SIMC1: variants seen among roughly 807,000 people sequenced by gnomAD.
SIMC1 encodes the protein SUMO-interacting motif-containing protein 1.
Under a neutral mutation model 82.3 loss-of-function variants are expected in SIMC1, and 55 were observed. The observed-to-expected ratio is 0.67, with a 90% confidence interval of 0.54 to 0.84. The LOEUF (loss-of-function observed/expected upper bound fraction) is 0.84. Among genes scored for constraint, SIMC1 ranks in the 40% least tolerant of loss-of-function variants. The pLI is 0.00. For missense variants in SIMC1, 915 were observed against 1,107.2 expected (o/e 0.83, Z 2.46); for synonymous variants, 353 against 426.3 (o/e 0.83, Z 2.12).
chr5:176,289,703 G>C lies in SIMC1; in HGVS notation c.179G>C (p.Ser60Thr). ...ACCAGACCAAGGACAAAAGATCGCA[G>C]TGGACTGTATGTGATTGACCTGACA... Reference protein sequence around the residue: ...RETRPRTKDRSGLYVIDLTRA... With the variant: ...RETRPRTKDRTGLYVIDLTRA... The change falls in exon 2 of 10, where the codon AGT becomes ACT. Residue 60 changes from serine to threonine, a missense_variant. Ser to Thr is a moderately conservative substitution (Grantham distance 58). Around this residue, in one of 2 missense-constraint regions of SIMC1, gnomAD observed 902 missense variants for 1,040.3 expected, o/e 0.87. Transcript: ENST00000429602. 6.2e-7 allele frequency: 1 copy of C among 1,612,994 alleles called. No homozygotes were observed. The highest frequency in any genetic ancestry group is 8.5e-7 in the Non-Finnish European group (1 of 1,179,518).
intron 4 of SIMC1, chr5:176,308,491 A>AGAT (rs1382202235): frequency 2.4e-5 from 38 of 1,607,774 alleles, no homozygotes; most frequent in Middle Eastern, 3.6e-4. Flanking sequence ...GCCATGTACC[A>AGAT]GATGATGGAT....
chr5:176,335,096 CAAA>C (rs879418049), intron 7 of SIMC1, among the ~76,000 whole-genome samples: 2 of 142,164 alleles, frequency 1.4e-5, no homozygotes, highest in Non-Finnish European at 3.1e-5. Flanking sequence ...AACTCTGTCT[CAAA>C]AAAAAAAAAA....
At chr5:176,280,378 T>C (rs1313256765) in intron 1 of SIMC1, among the ~76,000 whole-genome samples, 1 of 151,556 alleles carries the variant, frequency 6.6e-6, no homozygotes, top group African/African-American at 2.4e-5. Flanking sequence ...TCTCTGCATG[T>C]GTCTTTATCC....
At chr5:176,343,025 C>G (rs1471390255) in intron 9 of SIMC1, among the ~76,000 whole-genome samples, 2 of 152,170 alleles carry the variant, frequency 1.3e-5, no homozygotes, top group Non-Finnish European at 2.9e-5. Context: ...CTCAAGGCAG[C>G]TTTGTTTCCT....
chr5:176,334,623 C>CT (rs1342504097), intron 7 of SIMC1, among the ~76,000 whole-genome samples: 2 of 152,212 alleles, frequency 1.3e-5, no homozygotes, highest in Admixed American at 1.3e-4. Context: ...ACCCTATTCT[C>CT]TGACACAAAT....
chr5:176,301,580 C>G (rs1313009282), intron 4 of SIMC1, among the ~76,000 whole-genome samples: 1 of 152,100 alleles, frequency 6.6e-6, no homozygotes, highest in Non-Finnish European at 1.5e-5. Context: ...GAGTTCAAGA[C>G]CAGCATGACC....
chr5:176,276,418 A>G (rs1393539904), intron 1 of SIMC1, among the ~76,000 whole-genome samples: 2 of 150,838 alleles, frequency 1.3e-5, no homozygotes, highest in Non-Finnish European at 3.0e-5. Context: ...CCTTTCAAAA[A>G]ACCAGATCCT....
At chr5:176,250,242 C>G (rs1436593979) in intron 1 of SIMC1, among the ~76,000 whole-genome samples, 1 of 152,132 alleles carries the variant, frequency 6.6e-6, no homozygotes, top group East Asian at 1.9e-4. Context: ...TATTCAGGAG[C>G]AGGTTGTTCA....
intron 9 of SIMC1, among the ~76,000 whole-genome samples, chr5:176,339,115 G>A (rs1426109076): frequency 6.6e-6 from 1 of 152,186 alleles, no homozygotes; most frequent in Non-Finnish European, 1.5e-5. Context: ...TGTAATCCCA[G>A]CACTTTGGGA....
chr5:176,274,000 A>C (rs904811923), intron 1 of SIMC1, among the ~76,000 whole-genome samples: 1 of 150,838 alleles, frequency 6.6e-6, no homozygotes, highest in African/African-American at 2.4e-5. Flanking sequence ...CATGATTTAT[A>C]GTCCTTTGGG....
intron 9 of SIMC1, among the ~76,000 whole-genome samples, chr5:176,343,001 C>A (rs1766218707): frequency 6.6e-6 from 1 of 152,260 alleles, no homozygotes; most frequent in African/African-American, 2.4e-5. Flanking sequence ...GTTGAAAGGG[C>A]CTTGCACTTC....
At chr5:176,256,503 C>T (rs1230220595) in intron 1 of SIMC1, among the ~76,000 whole-genome samples, 1 of 152,094 alleles carries the variant, frequency 6.6e-6, no homozygotes, top group Non-Finnish European at 1.5e-5. Context: ...AATAGTTAGT[C>T]ATTTTACTTA....
intron 1 of SIMC1, among the ~76,000 whole-genome samples, chr5:176,241,855 C>T (rs971776099): frequency 6.6e-6 from 1 of 151,708 alleles, no homozygotes; most frequent in African/African-American, 2.4e-5. Context: ...CAAGATAAAT[C>T]ATCTGTCTGA....
At chr5:176,298,658 T>C (rs535311657) in intron 4 of SIMC1, among the ~76,000 whole-genome samples, 26 of 152,286 alleles carry the variant, frequency 1.7e-4, no homozygotes, top group African/African-American at 6.3e-4. Context: ...ATACAGTATA[T>C]AAAGATCTAA....
intron 7 of SIMC1, among the ~76,000 whole-genome samples, chr5:176,333,766 A>T (rs1024570091): frequency 9.3e-5 from 14 of 151,244 alleles, no homozygotes; most frequent in Non-Finnish European, 1.8e-4. Flanking sequence ...TTTTGCCCCA[A>T]CCTCTCTTAT....
At chr5:176,334,561 G>A (rs554583864) in intron 7 of SIMC1, among the ~76,000 whole-genome samples, 41 of 152,106 alleles carry the variant, frequency 2.7e-4, no homozygotes, top group African/African-American at 9.2e-4. Context: ...CAGGCTTTTG[G>A]GGCTTCCCCT....
At chr5:176,314,136 G>A (rs1285071374) in intron 5 of SIMC1, among the ~76,000 whole-genome samples, 4 of 152,096 alleles carry the variant, frequency 2.6e-5, no homozygotes, top group Non-Finnish European at 4.4e-5. Flanking sequence ...GCGTGGTGGC[G>A]TATGCCTGTA....
rs1306262783 is a variant in SIMC1, at chr5:176,290,229, T to TCCACCACGAGCCTCCTCATGC, written c.719_739dup (p.Ser240_Ala246dup). The TCCACCACGAGCCTCCTCATGC allele has an allele frequency of 1.2e-6, 2 of 1,610,492 alleles. No homozygotes were observed. The highest frequency in any genetic ancestry group is 1.7e-5 in the Admixed American group (1 of 59,694). ...CATGCCCACCGAGAGCCTCACCATG[T>TCCACCACGAGCCTCCTCATGC]CCACCACGAGCCTCCTCATGCCCAC... is the stretch of plus-strand genomic sequence containing the variant. On this transcript the variant is annotated inframe_insertion, in exon 2 of 10. Coordinates refer to ENST00000429602, the MANE Select transcript of SIMC1 (RefSeq NM_001308195.2).
chr5:176,293,962 A>G (rs1029205854), intron 2 of SIMC1, among the ~76,000 whole-genome samples: 2 of 152,132 alleles, frequency 1.3e-5, no homozygotes, highest in East Asian at 1.9e-4. Context: ...CTTTATATAC[A>G]TATTTTTTGG....
Sources: allele counts gnomAD v4.1 joint callset (sites outside exome capture counted in the v4.1 genomes callset), GRCh38; gene constraint gnomAD v4.1.1; regional missense constraint gnomAD v4.1.1; transcripts MANE v1.5; gene names NCBI Gene and HGNC (gene_info 2026-07-23, HGNC 2026-07-21).